MRPS6: variants seen among roughly 807,000 people sequenced by gnomAD.
MRPS6 encodes the protein small ribosomal subunit protein bS6m.
In MRPS6, 6 loss-of-function variants were observed where a neutral mutation model predicts 13.1. The observed-to-expected ratio is 0.46, with a 90% CI of 0.25 to 0.91. The LOEUF is 0.91. Ranked by LOEUF, MRPS6 falls within the 40% of genes least tolerant of loss-of-function variation. MRPS6 has a pLI of 0.18. For synonymous variants in MRPS6, 61 were observed against 56.5 expected (o/e 1.08, Z -0.36); for missense variants, 164 against 155.6 (o/e 1.05, Z -0.29).
chr21:34,081,361 GAATAAAATACTT>G (rs1319272641), intron 1 of MRPS6, among the ~76,000 whole-genome samples: 1 of 152,146 alleles, frequency 6.6e-6, no homozygotes, highest in African/African-American at 2.4e-5. Flanking sequence ...TTTATGTGTT[GAATAAAATACTT>G]AATAAAATAC....
chr21:34,115,920 C>CT (rs777048344), intron 1 of MRPS6, among the ~76,000 whole-genome samples: 1,702 of 141,042 alleles, frequency 0.012, 28 homozygotes, highest in African/African-American at 0.035. Context: ...CTACATAGTC[C>CT]TTTTTTTTTT....
At chr21:34,112,176 T>G (rs1464695525) in intron 1 of MRPS6, among the ~76,000 whole-genome samples, 6 of 152,202 alleles carry the variant, frequency 3.9e-5, no homozygotes, top group Non-Finnish European at 7.3e-5. Context: ...TAAGTACAGT[T>G]AGCAACTTTT....
At chr21:34,097,769 C>T (rs770486716) in intron 1 of MRPS6, 43 of 1,001,276 alleles carry the variant, frequency 4.3e-5, no homozygotes, top group Non-Finnish European at 5.2e-5. Flanking sequence ...TGTAATCCCT[C>T]CTACCATTAA....
intron 1 of MRPS6, among the ~76,000 whole-genome samples, chr21:34,119,041 C>T (rs143474555): frequency 1.3e-5 from 2 of 152,056 alleles, no homozygotes; most frequent in African/African-American, 2.4e-5. Flanking sequence ...CTAGACTTGT[C>T]CTTATTGAAT....
At chr21:34,136,529 T>C (rs1980711250) in intron 2 of MRPS6, among the ~76,000 whole-genome samples, 1 of 152,202 alleles carries the variant, frequency 6.6e-6, no homozygotes, top group Non-Finnish European at 1.5e-5. Context: ...AGGTATCTCT[T>C]TGTGGTTTTA....
intron 1 of MRPS6, among the ~76,000 whole-genome samples, chr21:34,091,206 C>A (rs911918258): frequency 6.6e-6 from 1 of 152,134 alleles, no homozygotes; most frequent in Admixed American, 6.5e-5. Context: ...GACTCCAAAG[C>A]TAAAAGAGGT....
chr21:34,125,267 G>T, intron 1 of MRPS6, 74 bp from the exon 2 acceptor site: 2 of 1,568,796 alleles, frequency 1.3e-6, no homozygotes, highest in Non-Finnish European at 1.7e-6. Context: ...GAACTGAGCA[G>T]ACTTAATCAT....
At chr21:34,082,349 G>A (rs574118855) in intron 1 of MRPS6, among the ~76,000 whole-genome samples, 8 of 152,210 alleles carry the variant, frequency 5.3e-5, no homozygotes, top group African/African-American at 1.9e-4. Context: ...TATACATGTA[G>A]GCTTCAGAGC....
chr21:34,099,877 T>C (rs977717709), intron 1 of MRPS6: 1 of 372,586 alleles, frequency 2.7e-6, no homozygotes, highest in Non-Finnish European at 3.9e-6. Context: ...TGCTTCCCAG[T>C]AATAGATAAT....
chr21:34,139,490 T>C (rs764044420), intron 2 of MRPS6, among the ~76,000 whole-genome samples: 10 of 152,158 alleles, frequency 6.6e-5, no homozygotes, highest in Non-Finnish European at 1.3e-4. Context: ...TAATAAGATA[T>C]AGGGCCATTC....
intron 1 of MRPS6, among the ~76,000 whole-genome samples, chr21:34,112,163 T>C (rs1033153195): frequency 1.3e-5 from 2 of 152,198 alleles, no homozygotes; most frequent in African/African-American, 2.4e-5. Flanking sequence ...TTTCTAGTTA[T>C]ATTAAGTACA....
At chr21:34,099,945 A>G (rs553586409) in intron 1 of MRPS6, 7 of 408,618 alleles carry the variant, frequency 1.7e-5, no homozygotes, top group Middle Eastern at 1.3e-3. Context: ...CCAGTCTTCA[A>G]TCTATATTTC....
At chr21:34,078,752 T>C (rs150018619) in intron 1 of MRPS6, among the ~76,000 whole-genome samples, 91 of 152,294 alleles carry the variant, frequency 6.0e-4, no homozygotes, top group African/African-American at 1.8e-3. Context: ...AACATGAAGG[T>C]GGAAGGAAGG....
chr21:34,102,715 C>CA, intron 1 of MRPS6: 12 of 1,000,118 alleles, frequency 1.2e-5, no homozygotes, highest in Non-Finnish European at 1.4e-5. Flanking sequence ...CAAATCAAGA[C>CA]AAAACACAGT....
chr21:34,141,736 C>A (rs1980914134), intron 2 of MRPS6, among the ~76,000 whole-genome samples: 1 of 152,202 alleles, frequency 6.6e-6, no homozygotes, highest in African/African-American at 2.4e-5. Context: ...TCTTTCCTTG[C>A]ACTGTCAGCC....
At chr21:34,104,701 T>C (rs1272759068) in intron 1 of MRPS6, 39 of 1,000,078 alleles carry the variant, frequency 3.9e-5, no homozygotes, top group Admixed American at 1.8e-4. Flanking sequence ...CCTGGGGGGA[T>C]GAGGGGAAGA....
At chr21:34,098,225 T>C (rs763469218) in intron 1 of MRPS6, 4 of 999,080 alleles carry the variant, frequency 4.0e-6, no homozygotes, top group Non-Finnish European at 4.8e-6. Flanking sequence ...ATCAGATGAT[T>C]ACTCATATAT....
At position 34,131,227 on chromosome 21, in the gene MRPS6, T is replaced by C. The variant is rs142665078; in HGVS notation, c.185+5747T>C. ...TTGCAATGTAGTCAAATCCAGACGT[T>C]TGTGCCTTGAGTGAGGAGTTGATCG... On this transcript the variant is annotated intron_variant, in intron 2 of 2. Transcript: ENST00000399312. Among the ~76,000 whole-genome samples, 258 of 152,352 alleles carry C rather than the reference T, an allele frequency of 1.7e-3. 1 individual carries two copies. Among genetic ancestry groups the C allele is most frequent in the African/African-American group, 5.8e-3 (243 of 41,582 alleles).
intron 1 of MRPS6, among the ~76,000 whole-genome samples, chr21:34,089,734 C>G (rs1336646908): frequency 6.6e-6 from 1 of 152,130 alleles, no homozygotes; most frequent in Admixed American, 6.5e-5. Flanking sequence ...GGGCCGCAGT[C>G]CCTCCCTACT....
Sources: allele counts gnomAD v4.1 joint callset (sites outside exome capture counted in the v4.1 genomes callset), GRCh38; gene constraint gnomAD v4.1.1; transcripts MANE v1.5; gene names NCBI Gene and HGNC (gene_info 2026-07-23, HGNC 2026-07-21).